Variants in BRD4 observed in about 807,000 individuals in gnomAD.
BRD4 encodes the protein bromodomain-containing protein 4.
In BRD4, 16 loss-of-function variants were observed where a neutral mutation model predicts 142.1. That is an observed-to-expected ratio of 0.11 (90% CI 0.08 to 0.17). The LOEUF is 0.17. Ranked by LOEUF, BRD4 falls within the 10% of genes least tolerant of loss-of-function variation. BRD4 has a pLI of 1.00. For synonymous variants in BRD4, 833 were observed against 707.5 expected, an observed-to-expected ratio of 1.18 and a Z score of -2.82; for missense variants, 1,424 against 1,810.9, an observed-to-expected ratio of 0.79 and a Z score of 3.88.
In BRD4 at chr19:15,238,880, G is replaced by T. The variant is rs773904017; in HGVS notation, c.3883C>A (p.Gln1295Lys). The stretch of plus-strand genomic sequence containing the variant: ...GCAGCTGCTTGCTGTTGCTGCTGCT[G>T]CTGTTGCTCCTGGCGCTGCTGCTGC... ...QQQQQRQEQQ[Q>K]QQQQQAAAVA... Residue 1295 changes from glutamine to lysine, a missense_variant, in exon 19 of 20, where the codon CAG becomes AAG. By Grantham distance (53) the Gln-to-Lys change is moderately conservative (BLOSUM62 1). This residue lies in a region of BRD4 where 109 missense variants were observed against 117.9 expected (regional missense o/e 0.92). Transcript: ENST00000679869. The surrounding 1 kb of genome is among the most constrained non-coding windows in gnomAD (Gnocchi z 7.2). The T allele has an allele frequency of 1.3e-6, 2 of 1,598,888 alleles. No individual in the cohort carries two copies. Among genetic ancestry groups the T allele is most frequent in the African/African-American group, 1.3e-5 (1 of 74,740 alleles).
chr19:15,317,263 G>A (rs530339332), intron 1 of BRD4, among the ~76,000 whole-genome samples: 4 of 152,196 alleles, frequency 2.6e-5, no homozygotes, highest in Non-Finnish European at 4.4e-5. Context: ...GGAATGCGTA[G>A]AGGCTTAGAA....
rs759872246 is a variant in BRD4, at chr19:15,244,694, C to T, written c.2211+16G>A. 1.2e-6 allele frequency: 2 copies of T among 1,614,090 alleles called. No individual in the cohort carries two copies. Among genetic ancestry groups the T allele is most frequent in the Admixed American group, 3.3e-5 (2 of 60,012 alleles). ...CAACGTCCCACCTAATGAAGGATGC[C>T]CCTGAGCCCATGTACCTTCTTCTGC... On this transcript the variant is annotated intron_variant, in intron 12 of 19. Coordinates refer to ENST00000679869, the MANE Select transcript of BRD4 (RefSeq NM_001379291.1).
rs1285226583 is a variant in BRD4 at position 15,257,142 on chromosome 19, G to A, written c.1373C>T (p.Pro458Leu). ...DVFEMRFAKMPDEPEEPVVAV... is the reference protein window; with the variant it reads ...DVFEMRFAKMLDEPEEPVVAV... ...CACCACTGGCTCCTCAGGCTCGTCCGGCATCTTGGCAAAGCGCATTTCGAA... is the reference window on the plus strand; with the variant it reads ...CACCACTGGCTCCTCAGGCTCGTCCAGCATCTTGGCAAAGCGCATTTCGAA... The change falls in exon 8 of 20, where the codon CCG becomes CTG. Residue 458 changes from proline (P) to leucine (L), a missense_variant. Physicochemically the swap from Pro to Leu is moderately conservative, Grantham distance 98 (BLOSUM62 -3). Coordinates refer to ENST00000679869, the MANE Select transcript of BRD4 (RefSeq NM_001379291.1). 3.1e-6 allele frequency: 5 copies of A among 1,608,204 alleles called. No homozygotes were observed. The highest frequency in any genetic ancestry group is 1.7e-5 in the Admixed American group (1 of 59,840).
chr19:15,302,774 GGC>G (rs2047881373), intron 1 of BRD4, among the ~76,000 whole-genome samples: 1 of 151,768 alleles, frequency 6.6e-6, no homozygotes, highest in South Asian at 2.1e-4. Context: ...GGGAGGCCGA[GGC>G]GGGCGCATCA....
chr19:15,242,349 G>C (rs896860466), intron 14 of BRD4, among the ~76,000 whole-genome samples: 3 of 152,210 alleles, frequency 2.0e-5, no homozygotes, highest in Non-Finnish European at 4.4e-5. Flanking sequence ...AAAAGTGAAA[G>C]GGTGTGGCCT....
At chr19:15,255,697 C>T in intron 9 of BRD4, 105 bp from the exon 10 acceptor site, 1 of 1,367,110 alleles carries the variant, frequency 7.3e-7, no homozygotes, top group Admixed American at 2.3e-5. Flanking sequence ...CTTCCCATAC[C>T]CCCCACCCAC....
At chr19:15,321,430 G>A (rs894178536) in intron 1 of BRD4, among the ~76,000 whole-genome samples, 8 of 151,416 alleles carry the variant, frequency 5.3e-5, no homozygotes, top group Admixed American at 4.0e-4. Context: ...AGCTACAGGC[G>A]CCATGCTTGA....
intron 1 of BRD4, among the ~76,000 whole-genome samples, chr19:15,285,597 A>G (rs1235297748): frequency 2.0e-5 from 3 of 152,236 alleles, no homozygotes; most frequent in African/African-American, 7.2e-5. Flanking sequence ...GGATGTAGAA[A>G]TAAGGTGCAT....
rs2047399427 is a variant in BRD4, at chr19:15,255,587, T to C, written c.1757A>G (p.Lys586Arg). Residue 586 changes from lysine to arginine, a missense_variant, in exon 10 of 20, where the codon AAG becomes AGG. This residue lies in a region of BRD4 where 86 missense variants were observed against 78.9 expected (regional missense o/e 1.09). Coordinates refer to ENST00000679869, the MANE Select transcript of BRD4 (RefSeq NM_001379291.1). ...NNSSNSNVSKKEPAPMKSKPP... is the reference protein window; with the variant it reads ...NNSSNSNVSKREPAPMKSKPP... ...CTTGCTCTTCATGGGCGCTGGCTCC[T>C]TCTTGCTACGAAGGGACGATGCAGA... 6.2e-7 allele frequency: 1 copy of C among 1,602,314 alleles called. No homozygotes were observed.
At chr19:15,276,944 G>A (rs1385463405) in intron 1 of BRD4, among the ~76,000 whole-genome samples, 1 of 152,166 alleles carries the variant, frequency 6.6e-6, no homozygotes, top group Non-Finnish European at 1.5e-5. Context: ...TCTGAAGAAG[G>A]GACAGAGAAT....
rs1259502419 is a variant in BRD4, at chr19:15,235,540, T to C, written c.*2837A>G. Reference sequence around the variant, plus strand: ...AGAGTAACTTTATACTCAGTACAAATGTTTATTTTTGCAATGAGAACTGCA... The same window carrying C: ...AGAGTAACTTTATACTCAGTACAAACGTTTATTTTTGCAATGAGAACTGCA... On this transcript the variant is annotated 3_prime_UTR_variant, in exon 20 of 20. Coordinates refer to ENST00000679869, the MANE Select transcript of BRD4 (RefSeq NM_001379291.1). The C allele has an allele frequency of 6.7e-6, 1 of 148,536 alleles. No homozygotes were observed. Among genetic ancestry groups the C allele is most frequent in the Non-Finnish European group, 1.5e-5 (1 of 67,496 alleles). 9.2% of individuals were successfully genotyped at this position (148,536 alleles called of 1,614,324 possible).
At chr19:15,303,364 G>T (rs956045062) in intron 1 of BRD4, among the ~76,000 whole-genome samples, 1 of 152,102 alleles carries the variant, frequency 6.6e-6, no homozygotes, top group Non-Finnish European at 1.5e-5. Context: ...TTTAAATTTT[G>T]ATTAAATGTC....
intron 1 of BRD4, among the ~76,000 whole-genome samples, chr19:15,282,286 G>T (rs562550249): frequency 1.3e-5 from 2 of 152,352 alleles, no homozygotes; most frequent in Admixed American, 1.3e-4. Flanking sequence ...TAGATTTCTA[G>T]ACTTTGTGAA....
chr19:15,310,997 A>T (rs1270044075), intron 1 of BRD4, among the ~76,000 whole-genome samples: 1 of 151,988 alleles, frequency 6.6e-6, no homozygotes, highest in Non-Finnish European at 1.5e-5. Context: ...GTGTTCAAAA[A>T]GTAAGCAAGA....
At chr19:15,291,564 G>A (rs2047782096) in intron 1 of BRD4, among the ~76,000 whole-genome samples, 1 of 152,114 alleles carries the variant, frequency 6.6e-6, no homozygotes, top group South Asian at 2.1e-4. Context: ...TCCGTATTAT[G>A]CACTGAACAG....
At chr19:15,244,057 G>A (rs1440018568) in intron 13 of BRD4, among the ~76,000 whole-genome samples, 174 bp downstream of exon 13, 1 of 152,222 alleles carries the variant, frequency 6.6e-6, no homozygotes, top group African/African-American at 2.4e-5. Flanking sequence ...TGCATGACCT[G>A]TCTTGAGGCA....
chr19:15,274,648 T>C (rs2047626781), intron 1 of BRD4, among the ~76,000 whole-genome samples: 1 of 152,184 alleles, frequency 6.6e-6, no homozygotes, highest in Non-Finnish European at 1.5e-5. Flanking sequence ...AAATTTTCCA[T>C]TAAGTAATGA....
chr19:15,244,732 T>C lies in BRD4; in HGVS notation c.2189A>G (p.His730Arg). ...EMAPKSKKKG[H>R]PGREQKKHHH... ...TACCTTCTTCTGCTCCCTCCCGGGG[T>C]GCCCCTTCTTTTTTGACTTCGGAGC... Residue 730 changes from histidine to arginine, a missense_variant, in exon 12 of 20, where the codon CAC (histidine) becomes CGC (arginine). Physicochemically the swap from His to Arg is conservative, Grantham distance 29 (BLOSUM62 0). Coordinates refer to ENST00000679869, the MANE Select transcript of BRD4 (RefSeq NM_001379291.1). 1 of 1,614,018 alleles carries C rather than the reference T, an allele frequency of 6.2e-7. No individual in the cohort carries two copies. The highest frequency in any genetic ancestry group is 8.5e-7 in the Non-Finnish European group (1 of 1,180,006).
intron 1 of BRD4, among the ~76,000 whole-genome samples, chr19:15,306,293 G>C (rs1186149636): frequency 6.6e-6 from 1 of 152,176 alleles, no homozygotes; most frequent in East Asian, 1.9e-4. Flanking sequence ...CGTTGTTAAA[G>C]GGTATTGCTC....
Sources: gnomAD v4.1 joint callset for allele counts (sites outside exome capture counted in the v4.1 genomes callset) on GRCh38, gnomAD v4.1.1 for gene constraint, gnomAD v4.1.1 regional missense constraint, Gnocchi (gnomAD v3.1) non-coding constraint, MANE v1.5 for transcripts, NCBI Gene and HGNC (gene_info 2026-07-23, HGNC 2026-07-21) for gene names.